The following CALB1 variants were observed in gnomAD, a reference collection of about 807,000 sequenced individuals.
The protein encoded by CALB1 is calbindin 1.
A neutral mutation model predicts 46.7 loss-of-function variants in CALB1; 16 were observed. The ratio of observed to expected loss-of-function variants is 0.34; its 90% CI spans 0.23 to 0.52. The LOEUF is 0.52. CALB1 is among the 20% of genes least tolerant of loss of function. CALB1 has a pLI of 0.95. For missense variants in CALB1, 224 were observed against 300.3 expected (o/e 0.75, Z 1.88); for synonymous variants, 90 against 112.8 (o/e 0.80, Z 1.28).
At chr8:90,080,846 CA>C (rs1419380782) in intron 2 of CALB1, among the ~76,000 whole-genome samples, 1 of 151,810 alleles carries the variant, frequency 6.6e-6, no homozygotes, top group Non-Finnish European at 1.5e-5. Flanking sequence ...TTAGATAGGG[CA>C]AAAAGTTCTA....
At chr8:90,070,221 C>A (rs1166668855) in intron 3 of CALB1, among the ~76,000 whole-genome samples, 1 of 152,102 alleles carries the variant, frequency 6.6e-6, no homozygotes, top group Admixed American at 6.6e-5. Flanking sequence ...TTCAAAACGC[C>A]TTCTGTTGGA....
At chr8:90,070,559 T>C (rs1057021621) in intron 3 of CALB1, among the ~76,000 whole-genome samples, 53 of 152,228 alleles carry the variant, frequency 3.5e-4, no homozygotes, top group Admixed American at 3.4e-3. Context: ...CTTTAGCTTA[T>C]CTTATGTTTA....
At chr8:90,074,276 T>A (rs142378437) in intron 3 of CALB1, among the ~76,000 whole-genome samples, 5 of 152,276 alleles carry the variant, frequency 3.3e-5, no homozygotes, top group African/African-American at 1.2e-4. Flanking sequence ...CCAGGGTCAA[T>A]CTACTTGTTC....
chr8:90,060,542 G>T, intron 10 of CALB1, 87 bp downstream of exon 10: 1 of 1,058,518 alleles, frequency 9.4e-7, no homozygotes, highest in Non-Finnish European at 1.4e-6. Context: ...AATTGTTAAA[G>T]TAGATTTCCA....
Position 90,074,745 on chromosome 8 carries a change from G to C in CALB1, c.231+3628C>G, listed in dbSNP as rs998194718. Among the ~76,000 whole-genome samples the C allele has an allele frequency of 5.9e-5, 9 of 152,154 alleles. No individual in the cohort carries two copies. In the South Asian group the frequency reaches 1.0e-3, roughly 18 times the overall value. ...GTTTTAGGACTAAAATAGCTTTTAG[G>C]TCTGTTTTTCAATGGATGCACTGAC... On this transcript the variant is annotated intron_variant, in intron 3 of 10. Coordinates refer to ENST00000265431, the MANE Select transcript of CALB1 (RefSeq NM_004929.4).
At chr8:90,075,894 A>C (rs1431730599) in intron 3 of CALB1, among the ~76,000 whole-genome samples, 1 of 152,074 alleles carries the variant, frequency 6.6e-6, no homozygotes, top group Non-Finnish European at 1.5e-5. Flanking sequence ...TAATGAAAAG[A>C]GTTCTAAAAT....
In CALB1 at chr8:90,078,375, C is replaced by G; in HGVS notation, c.229G>C (p.Glu77Gln). 1 of 1,569,544 alleles carries G rather than the reference C, an allele frequency of 6.4e-7. No individual in the cohort carries two copies. The highest frequency in any genetic ancestry group is 8.7e-7 in the Non-Finnish European group (1 of 1,149,738). ...QRDDGKIGIV[E>Q]LAHVLPTEEN... ...AGAAAAATGCATAAATTCCTTACCT[C>G]TACAATTCCTATTTTTCCATCATCT... Residue 77 changes from glutamate to glutamine, a missense_variant and splice_region_variant, in exon 3 of 11, where the codon GAG (glutamate) becomes CAG (glutamine). Physicochemically the swap from Glu to Gln is conservative, Grantham distance 29 (BLOSUM62 2). Transcript: ENST00000265431.
chr8:90,077,148 G>A (rs897285795), intron 3 of CALB1, among the ~76,000 whole-genome samples: 5 of 151,806 alleles, frequency 3.3e-5, no homozygotes, highest in African/African-American at 1.2e-4. Context: ...TATCCTTGAT[G>A]GTTTCATACC....
chr8:90,082,704 G>T lies in CALB1; in HGVS notation c.-7C>A. On this transcript the variant is annotated 5_prime_UTR_variant, in exon 1 of 11. In the 5' UTR this introduces an upstream ATG that the reference lacks. Coordinates refer to ENST00000265431, the MANE Select transcript of CALB1 (RefSeq NM_004929.4). ...GCAGGTGGGATTCTGCCATTGTACA[G>T]CGGGGTGTGTGTCTGGGTGTGTGAA... The T allele has an allele frequency of 1.9e-6, 3 of 1,613,588 alleles. No individual in the cohort carries two copies. Among genetic ancestry groups the T allele is most frequent in the Non-Finnish European group, 2.5e-6 (3 of 1,179,474 alleles).
intron 5 of CALB1, among the ~76,000 whole-genome samples, chr8:90,066,591 G>A (rs1814402192): frequency 6.6e-6 from 1 of 152,000 alleles, no homozygotes; most frequent in Non-Finnish European, 1.5e-5. Flanking sequence ...ATTGGCCACA[G>A]TTGATGTCAT....
chr8:90,082,015 C>G lies in CALB1; in HGVS notation c.156+11G>C, dbSNP rs1375089661. The G allele has an allele frequency of 1.2e-6, 2 of 1,610,604 alleles. No individual in the cohort carries two copies. Among genetic ancestry groups the G allele is most frequent in the Admixed American group, 1.7e-5 (1 of 59,600 alleles). On this transcript the variant is annotated intron_variant, in intron 2 of 10. Transcript: ENST00000265431. ...AAAGTCTTTTTTTCTTTTTCGCAAACTTGAACCTACCAATCCAGCCTTCTT... is the reference window on the plus strand; with the variant it reads ...AAAGTCTTTTTTTCTTTTTCGCAAAGTTGAACCTACCAATCCAGCCTTCTT...
chr8:90,069,629 A>ATGTG (rs1814464755), intron 3 of CALB1, among the ~76,000 whole-genome samples: 1 of 152,304 alleles, frequency 6.6e-6, no homozygotes, highest in African/African-American at 2.4e-5. Context: ...AGAAAGGCAC[A>ATGTG]TGTGGGGGCC....
chr8:90,074,919 T>C (rs1814593148), intron 3 of CALB1, among the ~76,000 whole-genome samples: 1 of 152,306 alleles, frequency 6.6e-6, no homozygotes, highest in Admixed American at 6.5e-5. Flanking sequence ...CTCTATTATC[T>C]GCTAAATCAT....
chr8:90,060,627 A>C lies in CALB1; in HGVS notation c.672+2T>G. ...AAGTAAGTGCCATGGTAACTAAGTT[A>C]CCTGTTTATTCTTCTCGCACAGATC... On this transcript the variant is annotated splice_donor_variant, in intron 10 of 10. Transcript: ENST00000265431. LOFTEE classifies it high-confidence loss of function. 1 of 1,611,654 alleles carries C rather than the reference A, an allele frequency of 6.2e-7. No individual in the cohort carries two copies.
chr8:90,074,006 C>G (rs1282437973), intron 3 of CALB1, among the ~76,000 whole-genome samples: 3 of 151,550 alleles, frequency 2.0e-5, no homozygotes, highest in African/African-American at 7.3e-5. Context: ...CATGTATTAG[C>G]CAAGCATTCA....
chr8:90,082,576 A>AT (rs1427224668), intron 1 of CALB1, 43 bp downstream of exon 1: 27 of 1,507,386 alleles, frequency 1.8e-5, no homozygotes, highest in Admixed American at 3.3e-5. Flanking sequence ...GGGAAGGGGC[A>AT]TGGAAACGGG....
In CALB1 at chr8:90,078,402, T is replaced by C. The variant is rs765460165; in HGVS notation, c.202A>G (p.Arg68Gly). Residue 68 changes from arginine (R) to glycine (G), a missense_variant, in exon 3 of 11, where the codon AGA becomes GGA. By Grantham distance (125) the Arg-to-Gly change is moderately radical (BLOSUM62 -2). Transcript: ENST00000265431. Reference sequence around the variant, plus strand: ...ACAATTCCTATTTTTCCATCATCTCTTTGCCCATACTGATCCACAAAAGTT... The same window carrying C: ...ACAATTCCTATTTTTCCATCATCTCCTTGCCCATACTGATCCACAAAAGTT... ...MKTFVDQYGQ[R>G]DDGKIGIVEL... is the part of the protein sequence containing the mutation. The C allele has an allele frequency of 6.3e-7, 1 of 1,595,090 alleles. No homozygotes were observed. Among genetic ancestry groups the C allele is most frequent in the Admixed American group, 1.7e-5 (1 of 58,410 alleles).
chr8:90,069,631 G>A (rs918175659), intron 3 of CALB1, among the ~76,000 whole-genome samples: 1 of 152,166 alleles, frequency 6.6e-6, no homozygotes, highest in Non-Finnish European at 1.5e-5. Flanking sequence ...AAAGGCACAT[G>A]TGGGGGCCAT....
At position 90,059,262 on chromosome 8, in the gene CALB1, T is replaced by TA. The variant is rs1257083652; in HGVS notation, c.*910dup. ...TAAAATTTAATTATGTAGTAAAAAA[T>TA]AGAGTTGTTATAGCTAGAAAAAAAT... is the stretch of plus-strand genomic sequence containing the variant. On this transcript the variant is annotated 3_prime_UTR_variant, in exon 11 of 11. Coordinates refer to ENST00000265431, the MANE Select transcript of CALB1 (RefSeq NM_004929.4). 6.6e-6 allele frequency: 1 copy of TA among 152,420 alleles called. No homozygotes were observed. The highest frequency in any genetic ancestry group is 1.5e-5 in the Non-Finnish European group (1 of 67,980). 9.4% of individuals were successfully genotyped at this position (152,420 alleles called of 1,614,324 possible).
Sources: allele counts gnomAD v4.1 joint callset (sites outside exome capture counted in the v4.1 genomes callset), GRCh38; gene constraint gnomAD v4.1.1; transcripts MANE v1.5; gene names NCBI Gene and HGNC (gene_info 2026-07-23, HGNC 2026-07-21).